The following OPCML variants were observed in gnomAD, a reference collection of about 807,000 sequenced individuals.
OPCML encodes the protein opioid-binding protein/cell adhesion molecule.
Under a neutral mutation model 37.8 loss-of-function variants are expected in OPCML, and 13 were observed. The observed-to-expected ratio is 0.34, with a 90% CI of 0.22 to 0.55. The LOEUF is 0.55. Among genes scored for constraint, OPCML ranks in the 20% least tolerant of loss-of-function variants. The pLI is 0.91. For missense variants in OPCML, 341 were observed against 435.6 expected (o/e 0.78, Z 1.93); for synonymous variants, 176 against 168.8 (o/e 1.04, Z -0.33).
intron 3 of OPCML, among the ~76,000 whole-genome samples, chr11:132,535,831 G>T (rs1308795920): frequency 1.8e-4 from 27 of 152,148 alleles, no homozygotes; most frequent in Admixed American, 1.8e-3. Context: ...CCTGCTTATG[G>T]TTTGGGTGAA....
chr11:133,345,947 A>G (rs1432149162), intron 1 of OPCML, among the ~76,000 whole-genome samples: 3 of 152,222 alleles, frequency 2.0e-5, no homozygotes, highest in African/African-American at 7.2e-5. Flanking sequence ...AAGCAGGACT[A>G]TTACTTTCTT....
At chr11:133,439,394 C>T (rs769315379) in intron 1 of OPCML, 31 of 984,804 alleles carry the variant, frequency 3.1e-5, no homozygotes, top group Middle Eastern at 5.2e-4. Flanking sequence ...GGAAAAATTC[C>T]GTCTGTTTCA....
intron 2 of OPCML, among the ~76,000 whole-genome samples, chr11:132,698,431 G>A (rs1943684639): frequency 6.6e-6 from 1 of 152,034 alleles, no homozygotes; most frequent in Admixed American, 6.6e-5. Flanking sequence ...TTGGTCAACT[G>A]TATGTCTTAT....
At chr11:132,867,444 T>C (rs567766149) in intron 2 of OPCML, among the ~76,000 whole-genome samples, 3 of 152,214 alleles carry the variant, frequency 2.0e-5, no homozygotes, top group Non-Finnish European at 1.5e-5. Flanking sequence ...TCATTGAGGA[T>C]GAAATAAAAT....
At chr11:133,282,562 G>A (rs572295725) in intron 1 of OPCML, among the ~76,000 whole-genome samples, 126 of 152,336 alleles carry the variant, frequency 8.3e-4, no homozygotes, top group African/African-American at 2.7e-3. Context: ...CAGTGCAGAG[G>A]GAGGGGAAAT....
intron 1 of OPCML, among the ~76,000 whole-genome samples, chr11:133,199,378 TTTTTAG>T (rs1351845989): frequency 6.6e-6 from 1 of 152,198 alleles, no homozygotes; most frequent in Non-Finnish European, 1.5e-5. Flanking sequence ...TATTTTTTGT[TTTTTAG>T]TTTTAAGAAA....
chr11:132,857,534 C>T (rs1348631857), intron 2 of OPCML, among the ~76,000 whole-genome samples: 1 of 152,130 alleles, frequency 6.6e-6, no homozygotes, highest in Non-Finnish European at 1.5e-5. Context: ...TGAAAATCCT[C>T]CCTTTTTCTA....
At chr11:132,635,257 C>T (rs1940416197) in intron 3 of OPCML, among the ~76,000 whole-genome samples, 1 of 152,004 alleles carries the variant, frequency 6.6e-6, no homozygotes, top group South Asian at 2.1e-4. Context: ...ATAATACAAT[C>T]CCCCCCATTG....
chr11:132,754,542 T>G (rs1022833011), intron 2 of OPCML, among the ~76,000 whole-genome samples: 3 of 152,212 alleles, frequency 2.0e-5, no homozygotes, highest in African/African-American at 7.2e-5. Context: ...CAGTCTCAGA[T>G]ACATCTTTAT....
intron 1 of OPCML, among the ~76,000 whole-genome samples, chr11:133,033,313 C>A (rs1947707522): frequency 6.6e-6 from 1 of 152,188 alleles, no homozygotes; most frequent in Admixed American, 6.5e-5. Flanking sequence ...CAAATGCCAT[C>A]CCCACTGCAG....
intron 2 of OPCML, among the ~76,000 whole-genome samples, chr11:132,915,039 C>G (rs1225710529): frequency 6.6e-6 from 1 of 152,168 alleles, no homozygotes; most frequent in Non-Finnish European, 1.5e-5. Flanking sequence ...CCTTATTTTC[C>G]TTTTCTTTCT....
intron 4 of OPCML, among the ~76,000 whole-genome samples, chr11:132,480,002 G>A (rs569192912): frequency 6.6e-6 from 1 of 152,308 alleles, no homozygotes; most frequent in Admixed American, 6.5e-5. Context: ...ACCAGCAATG[G>A]AACAAAGCTG....
intron 4 of OPCML, among the ~76,000 whole-genome samples, chr11:132,448,278 C>A (rs2096060512): frequency 6.6e-6 from 1 of 152,210 alleles, no homozygotes; most frequent in South Asian, 2.1e-4. Flanking sequence ...GGCATCACAG[C>A]CGTTTAACAA....
chr11:132,828,255 G>A (rs11223230), intron 2 of OPCML, among the ~76,000 whole-genome samples: 32,168 of 151,882 alleles, frequency 0.21, 4,116 homozygotes, highest in Non-Finnish European at 0.3. Flanking sequence ...AGGGATGAGC[G>A]CGTGGAACAC....
chr11:133,140,450 G>A lies in OPCML; in HGVS notation c.62-197440C>T, dbSNP rs1332502971. Among the ~76,000 whole-genome samples, 17 of 148,274 alleles carry A rather than the reference G, an allele frequency of 1.1e-4. No individual in the cohort carries two copies. The East Asian group carries it at 3.2e-3, about 28-fold the overall frequency. ...GAATCGCTTGAATCTGGGAGGCAGA[G>A]GTTGCAGTGAGCCGAGATTGCACCA... On this transcript the variant is annotated intron_variant, in intron 1 of 7. Coordinates refer to ENST00000524381, the MANE Select transcript of OPCML (RefSeq NM_001012393.5).
intron 4 of OPCML, among the ~76,000 whole-genome samples, chr11:132,490,675 C>T (rs2096212819): frequency 6.6e-6 from 1 of 151,786 alleles, no homozygotes; most frequent in Non-Finnish European, 1.5e-5. Context: ...AAAAATTAGC[C>T]GGGTGTGGTG....
chr11:133,090,310 A>T (rs1262744190), intron 1 of OPCML, among the ~76,000 whole-genome samples: 1 of 152,080 alleles, frequency 6.6e-6, no homozygotes, highest in Non-Finnish European at 1.5e-5. Flanking sequence ...GGAACTGGGT[A>T]ATGGGCAGAG....
intron 1 of OPCML, among the ~76,000 whole-genome samples, chr11:133,265,572 C>A (rs1457486056): frequency 6.6e-6 from 1 of 152,166 alleles, no homozygotes; most frequent in Non-Finnish European, 1.5e-5. Context: ...AACACAACGT[C>A]CCTGAAAGCA....
Position 133,177,031 on chromosome 11 carries a change from C to T in OPCML, c.62-234021G>A, listed in dbSNP as rs538171. On this transcript the variant is annotated intron_variant, in intron 1 of 7. Coordinates refer to ENST00000524381, the MANE Select transcript of OPCML (RefSeq NM_001012393.5). The surrounding 1 kb of genome is among the most constrained non-coding windows in gnomAD (Gnocchi z 5.0). Reference sequence around the variant, plus strand: ...AGCTCCTCCTGTGCCATCATCCTGCCAGCGGGACCCTGGCAACACCAAGTT... The same window carrying T: ...AGCTCCTCCTGTGCCATCATCCTGCTAGCGGGACCCTGGCAACACCAAGTT... 0.69 allele frequency among the ~76,000 whole-genome samples: 105,423 copies of T among 152,184 alleles called. 38,172 individuals carry two copies. The highest frequency in any genetic ancestry group is 0.88 in the African/African-American group (36,470 of 41,540).
Sources: gnomAD v4.1 joint callset for allele counts (sites outside exome capture counted in the v4.1 genomes callset) on GRCh38, gnomAD v4.1.1 for gene constraint, Gnocchi (gnomAD v3.1) non-coding constraint, MANE v1.5 for transcripts, NCBI Gene and HGNC (gene_info 2026-07-23, HGNC 2026-07-21) for gene names.